Variants in ARHGAP42 observed in about 807,000 individuals in gnomAD.
The protein encoded by ARHGAP42 is Rho GTPase activating protein 42.
Under a neutral mutation model 125.0 loss-of-function variants are expected in ARHGAP42, and 63 were observed. The ratio of observed to expected loss-of-function variants is 0.50; its 90% CI spans 0.41 to 0.62. The LOEUF (loss-of-function observed/expected upper bound fraction) is 0.62, where lower values mean the gene tolerates loss of function less well. ARHGAP42 is among the 20% of genes least tolerant of loss of function. The pLI is 0.00. For synonymous variants in ARHGAP42, 339 were observed against 351.0 expected (o/e 0.97, Z 0.38); for missense variants, 766 against 1,024.2 (o/e 0.75, Z 3.44).
At chr11:100,924,054 T>G (rs936267669) in intron 6 of ARHGAP42, among the ~76,000 whole-genome samples, 4 of 152,154 alleles carry the variant, frequency 2.6e-5, no homozygotes, top group Non-Finnish European at 4.4e-5. Flanking sequence ...TTAATGTTTT[T>G]GCCGGTTTTA....
intron 3 of ARHGAP42, among the ~76,000 whole-genome samples, chr11:100,856,931 G>GT (rs1040234964): frequency 6.6e-6 from 1 of 151,960 alleles, no homozygotes; most frequent in Admixed American, 6.6e-5. Flanking sequence ...TGTGTTGTCA[G>GT]TTTTGGCACT....
At chr11:100,900,899 C>G (rs1866527506) in intron 4 of ARHGAP42, among the ~76,000 whole-genome samples, 1 of 152,162 alleles carries the variant, frequency 6.6e-6, no homozygotes, top group Non-Finnish European at 1.5e-5. Context: ...GTCAACTCGT[C>G]AAAATCATTC....
At chr11:100,776,011 T>C (rs1171051753) in intron 2 of ARHGAP42, among the ~76,000 whole-genome samples, 1 of 152,010 alleles carries the variant, frequency 6.6e-6, no homozygotes. Flanking sequence ...AATACAAAAT[T>C]AGCCAGGAGT....
chr11:100,940,760 G>A (rs12418450), intron 8 of ARHGAP42, among the ~76,000 whole-genome samples: 7,572 of 152,162 alleles, frequency 0.05, 326 homozygotes, highest in East Asian at 0.25. Flanking sequence ...TCTTAGATGC[G>A]TGATTCATTC....
Position 100,970,236 on chromosome 11 carries a change from G to A in ARHGAP42, c.1551-2939G>A, listed in dbSNP as rs112813055. ...CTCCTGATCCTCAGGTGATCCACCCGCCTTGGCCTCCAAAAGTGGTGGGAT... is the reference window on the plus strand; with the variant it reads ...CTCCTGATCCTCAGGTGATCCACCCACCTTGGCCTCCAAAAGTGGTGGGAT... On this transcript the variant is annotated intron_variant, in intron 17 of 23. Coordinates refer to ENST00000298815, the MANE Select transcript of ARHGAP42 (RefSeq NM_152432.4). Among the ~76,000 whole-genome samples the A allele has an allele frequency of 3.1e-3, 472 of 152,152 alleles. 2 individuals carry two copies. The highest frequency in any genetic ancestry group is 0.011 in the African/African-American group (455 of 41,520).
intron 22 of ARHGAP42, among the ~76,000 whole-genome samples, chr11:100,987,175 C>T (rs529951018): frequency 6.6e-6 from 1 of 152,276 alleles, no homozygotes; most frequent in South Asian, 2.1e-4. Flanking sequence ...TTCGTTCCTA[C>T]ATAGCTGTAA....
chr11:100,850,314 A>G (rs1865172852), intron 3 of ARHGAP42, among the ~76,000 whole-genome samples: 1 of 152,222 alleles, frequency 6.6e-6, no homozygotes, highest in African/African-American at 2.4e-5. Context: ...CTACAGATCT[A>G]TACAGGATAT....
At chr11:100,925,698 A>G (rs555171982) in intron 6 of ARHGAP42, among the ~76,000 whole-genome samples, 9 of 152,358 alleles carry the variant, frequency 5.9e-5, no homozygotes, top group Non-Finnish European at 1.0e-4. Context: ...AAATCATGGC[A>G]CTGCTCTCCG....
At chr11:100,898,829 T>C (rs1225785454) in intron 4 of ARHGAP42, among the ~76,000 whole-genome samples, 1 of 152,174 alleles carries the variant, frequency 6.6e-6, no homozygotes, top group East Asian at 1.9e-4. Context: ...GGGTTTTTCA[T>C]GTCTCCATCT....
chr11:100,849,517 A>T (rs1272903539), intron 3 of ARHGAP42, among the ~76,000 whole-genome samples: 1 of 152,196 alleles, frequency 6.6e-6, no homozygotes, highest in African/African-American at 2.4e-5. Flanking sequence ...GACGTAGATA[A>T]CTTTTGGGTA....
chr11:100,764,183 A>T (rs1311182387), intron 1 of ARHGAP42, among the ~76,000 whole-genome samples: 1 of 151,988 alleles, frequency 6.6e-6, no homozygotes, highest in South Asian at 2.1e-4. Flanking sequence ...CACTGCACCC[A>T]GCTGATTTTA....
chr11:100,947,898 A>G (rs983466885), intron 10 of ARHGAP42, among the ~76,000 whole-genome samples: 2 of 151,908 alleles, frequency 1.3e-5, no homozygotes, highest in East Asian at 1.9e-4. Context: ...TATATCCTCA[A>G]GTAACTATTT....
At chr11:100,747,652 C>T (rs1862335449) in intron 1 of ARHGAP42, among the ~76,000 whole-genome samples, 1 of 152,120 alleles carries the variant, frequency 6.6e-6, no homozygotes, top group Admixed American at 6.6e-5. Context: ...TTTTTTTTAA[C>T]CTTTTAATGT....
chr11:100,845,804 T>A (rs1565239121), intron 3 of ARHGAP42, among the ~76,000 whole-genome samples: 1 of 152,168 alleles, frequency 6.6e-6, no homozygotes, highest in South Asian at 2.1e-4. Context: ...ATGTAGATAA[T>A]ATGTTCCCTG....
At chr11:100,963,096 G>A (rs924189212) in intron 16 of ARHGAP42, among the ~76,000 whole-genome samples, 4 of 152,098 alleles carry the variant, frequency 2.6e-5, no homozygotes, top group African/African-American at 4.8e-5. Context: ...AACTAAGCAG[G>A]ACTCTAAATA....
chr11:100,910,309 T>C (rs1045585450), intron 4 of ARHGAP42, among the ~76,000 whole-genome samples: 1 of 152,164 alleles, frequency 6.6e-6, no homozygotes, highest in Non-Finnish European at 1.5e-5. Context: ...TTATATAGGG[T>C]CATTTATCTT....
At chr11:100,843,223 G>A (rs756644009) in intron 3 of ARHGAP42, among the ~76,000 whole-genome samples, 5 of 151,944 alleles carry the variant, frequency 3.3e-5, no homozygotes, top group Middle Eastern at 3.4e-3. Flanking sequence ...TAGAGGAAAT[G>A]GATAAATACC....
At chr11:100,817,758 A>G (rs938652467) in intron 3 of ARHGAP42, among the ~76,000 whole-genome samples, 2 of 152,194 alleles carry the variant, frequency 1.3e-5, no homozygotes, top group African/African-American at 2.4e-5. Context: ...AGGCCTACCC[A>G]TTAATGCCTA....
intron 4 of ARHGAP42, among the ~76,000 whole-genome samples, chr11:100,892,247 C>T (rs1486427529): frequency 6.6e-6 from 1 of 152,086 alleles, no homozygotes. Flanking sequence ...AGGAACAAGA[C>T]CTTGAGGAAG....
Sources: allele counts gnomAD v4.1 joint callset (sites outside exome capture counted in the v4.1 genomes callset), GRCh38; gene constraint gnomAD v4.1.1; transcripts MANE v1.5; gene names NCBI Gene and HGNC (gene_info 2026-07-23, HGNC 2026-07-21).